The following MADD variants were observed in gnomAD, a reference collection of about 807,000 sequenced individuals.
MADD encodes MAP kinase-activating death domain protein.
In MADD, 109 loss-of-function variants were observed where a neutral mutation model predicts 176.7. The ratio of observed to expected loss-of-function variants is 0.62; its 90% CI spans 0.53 to 0.72. The LOEUF (loss-of-function observed/expected upper bound fraction) is 0.72, where lower values mean the gene tolerates loss of function less well. Ranked by LOEUF, MADD falls within the 30% of genes least tolerant of loss-of-function variation. The probability of loss-of-function intolerance (pLI) is 0.00; values close to 1 mark genes in which losing one functional copy is unlikely to be tolerated. For missense variants in MADD, 1,914 were observed against 2,045.5 expected, an observed-to-expected ratio of 0.94 and a Z score of 1.24; for synonymous variants, 771 against 771.3, an observed-to-expected ratio of 1.00 and a Z score of 0.01.
chr11:47,269,907 G>A (rs1036280115), upstream of MADD: 2 of 152,200 alleles, frequency 1.3e-5, no homozygotes, highest in African/African-American at 2.4e-5. Flanking sequence ...CAAACAGAAG[G>A]TACTGCTGTG....
At chr11:47,276,066 T>C in exon 4 of MADD, 6 of 1,614,164 alleles carry the variant, frequency 3.7e-6, no homozygotes, top group Non-Finnish European at 5.1e-6. Context: ...CCCCAAGAGC[T>C]CCAGCCAGCT....
chr11:47,309,061 G>A lies in MADD; in HGVS notation c.3752-220G>A, dbSNP rs911844955. On this transcript the variant is annotated intron_variant, in intron 23 of 32. Transcript: ENST00000402192. ...TCTATAAGTAACCACATTTATTTGT[G>A]TGCTGTGTTCATCCCTCCTCCTTGG... is the stretch of plus-strand genomic sequence containing the variant. 3 of 1,613,724 alleles carry A rather than the reference G, an allele frequency of 1.9e-6. No homozygotes were observed. Among genetic ancestry groups the A allele is most frequent in the Non-Finnish European group, 2.5e-6 (3 of 1,179,712 alleles).
chr11:47,271,914 G>A (rs1258785356), intron 1 of MADD: 3 of 152,176 alleles, frequency 2.0e-5, no homozygotes, highest in Non-Finnish European at 2.9e-5. Flanking sequence ...CTCTATTGCA[G>A]TTGGGAGAAC....
At chr11:47,317,316 G>A (rs920095777) in intron 27 of MADD, among the ~76,000 whole-genome samples, 1 of 152,194 alleles carries the variant, frequency 6.6e-6, no homozygotes, top group African/African-American at 2.4e-5. Flanking sequence ...ACATGTGCAA[G>A]TGTGTCTAAG....
chr11:47,318,931 C>T (rs1393262284), intron 27 of MADD, among the ~76,000 whole-genome samples: 2 of 149,216 alleles, frequency 1.3e-5, no homozygotes, highest in Non-Finnish European at 1.5e-5. Context: ...CCTCAGCCTC[C>T]TGAGTAGCTG....
intron 1 of MADD, among the ~76,000 whole-genome samples, chr11:47,271,653 C>T (rs1963924201): frequency 6.6e-6 from 1 of 151,796 alleles, no homozygotes; most frequent in Admixed American, 6.5e-5. Context: ...AAGGTGTAGT[C>T]TAGAGCTCTG....
chr11:47,322,190 G>A (rs925655692), intron 27 of MADD, among the ~76,000 whole-genome samples: 1 of 152,194 alleles, frequency 6.6e-6, no homozygotes, highest in African/African-American at 2.4e-5. Flanking sequence ...TGTGGACACA[G>A]ATGAACTTGC....
chr11:47,312,761 A>T (rs2090505409), intron 26 of MADD, among the ~76,000 whole-genome samples: 1 of 152,210 alleles, frequency 6.6e-6, no homozygotes, highest in South Asian at 2.1e-4. Flanking sequence ...TAAAAATGCC[A>T]GTTGTGCTTG....
rs147284421 is a variant in MADD, at chr11:47,329,051, C to T, written c.4665C>T (p.His1555=). 21 of 1,613,584 alleles carry T rather than the reference C, an allele frequency of 1.3e-5. No individual in the cohort carries two copies. In the East Asian group the frequency reaches 1.6e-4, roughly 12 times the overall value. Reference sequence around the variant, plus strand: ...CCTGGTTTTCTCTCCTCTAGGCCCACGAAATCTGCTACTCCGTATTATGTC... The same window carrying T: ...CCTGGTTTTCTCTCCTCTAGGCCCATGAAATCTGCTACTCCGTATTATGTC... Residue 1555 remains histidine, a synonymous_variant, in exon 33 of 33, where the codon CAC becomes CAT. Coordinates refer to ENST00000402192, the Ensembl canonical transcript of MADD.
chr11:47,286,567 T>G (rs1363129687), intron 15 of MADD, 33 bp downstream of exon 15: 1 of 1,534,754 alleles, frequency 6.5e-7, no homozygotes. Flanking sequence ...CAAGCCAGGT[T>G]TCTCCGGGAG....
chr11:47,322,234 G>C (rs1188799882), intron 27 of MADD, among the ~76,000 whole-genome samples: 1 of 152,110 alleles, frequency 6.6e-6, no homozygotes, highest in East Asian at 1.9e-4. Context: ...GGCAGAGCTG[G>C]AATCTAAACT....
chr11:47,296,196 G>A (rs1321711621), intron 22 of MADD, 141 bp downstream of exon 24: 1 of 1,010,322 alleles, frequency 9.9e-7, no homozygotes, highest in Non-Finnish European at 1.4e-6. Context: ...TGGCTTTAAG[G>A]AAAACATTTC....
intron 25 of MADD, 113 bp from the exon 29 acceptor site, chr11:47,311,619 T>A: frequency 2.9e-6 from 2 of 693,046 alleles, no homozygotes; most frequent in Admixed American, 4.6e-5. Flanking sequence ...ATGTGGTCTT[T>A]CAGAATTCCA....
chr11:47,287,942 C>G (rs1215625449), intron 15 of MADD, among the ~76,000 whole-genome samples: 1 of 151,874 alleles, frequency 6.6e-6, no homozygotes, highest in Admixed American at 6.6e-5. Context: ...AGCCTGCCAC[C>G]ACGCCTGCCT....
rs2095415326 is a variant in MADD at position 47,325,991 on chromosome 11, C to T, written c.4543-747C>T. Among the ~76,000 whole-genome samples the T allele has an allele frequency of 6.6e-6, 1 of 152,222 alleles. No individual in the cohort carries two copies. The highest frequency in any genetic ancestry group is 6.5e-5 in the Admixed American group (1 of 15,284). ...CAGTGTTCAGTTGGAGTGGAGGAGG[C>T]AGCAGACCTCCTGGTGGAGCTGTGC... On this transcript the variant is annotated intron_variant, in intron 30 of 32. Coordinates refer to ENST00000402192, the Ensembl canonical transcript of MADD. The surrounding 1 kb of genome is among the most constrained non-coding windows in gnomAD (Gnocchi z 4.5).
At chr11:47,307,078 A>ATT (rs2083362458) in intron 22 of MADD, among the ~76,000 whole-genome samples, 7 of 86,008 alleles carry the variant, frequency 8.1e-5, no homozygotes, top group African/African-American at 4.1e-4. Flanking sequence ...AGATTTTTAT[A>ATT]CTTTTTTTTT....
chr11:47,327,226 A>C (rs1178886905), intron 31 of MADD: 38 of 999,610 alleles, frequency 3.8e-5, no homozygotes, highest in Non-Finnish European at 4.5e-5. Flanking sequence ...TCTGGTCTCC[A>C]CCTGGCCTCT....
At chr11:47,286,259 A>T (rs1010473897) in intron 14 of MADD, among the ~76,000 whole-genome samples, 174 bp from the exon 15 acceptor site, 2 of 152,180 alleles carry the variant, frequency 1.3e-5, no homozygotes, top group Admixed American at 1.3e-4. Flanking sequence ...CAGTGGCTCC[A>T]TTGTTTGCCT....
chr11:47,270,528 C>A (rs1242137137), intron 1 of MADD: 1 of 149,750 alleles, frequency 6.7e-6, no homozygotes, highest in Non-Finnish European at 1.5e-5. Flanking sequence ...GGAGAACTGT[C>A]CAGCAGGTGA....
Sources: allele counts gnomAD v4.1 joint callset (sites outside exome capture counted in the v4.1 genomes callset), GRCh38; gene constraint gnomAD v4.1.1; non-coding constraint Gnocchi (gnomAD v3.1); transcripts MANE v1.5; gene names NCBI Gene and HGNC (gene_info 2026-07-23, HGNC 2026-07-21).